The following JAM3 variants were observed in gnomAD, a reference collection of about 807,000 sequenced individuals.
The protein encoded by JAM3 is junctional adhesion molecule C.
Under a neutral mutation model 39.4 loss-of-function variants are expected in JAM3, and 31 were observed. The observed-to-expected ratio is 0.79, with a 90% CI of 0.59 to 1.06. JAM3 has a LOEUF of 1.06. Ranked by LOEUF, JAM3 falls within the 50% of genes least tolerant of loss-of-function variation. JAM3 has a pLI of 0.00. For synonymous variants in JAM3, 182 were observed against 148.7 expected (o/e 1.22, Z -1.63); for missense variants, 455 against 391.4 (o/e 1.16, Z -1.37).
chr11:134,110,451 C>T (rs1346722791), intron 1 of JAM3, among the ~76,000 whole-genome samples: 2 of 152,172 alleles, frequency 1.3e-5, no homozygotes, highest in Non-Finnish European at 2.9e-5. Context: ...TGGAATATGA[C>T]TATTCAGCAA....
chr11:134,109,066 C>G (rs527699858), intron 1 of JAM3, among the ~76,000 whole-genome samples: 1 of 152,156 alleles, frequency 6.6e-6, no homozygotes, highest in Admixed American at 6.5e-5. Flanking sequence ...AAGCAATTCT[C>G]GTGCCTTAGC....
intron 1 of JAM3, among the ~76,000 whole-genome samples, chr11:134,118,969 CTTTT>C (rs61244231): frequency 7.1e-6 from 1 of 140,414 alleles, no homozygotes; most frequent in African/African-American, 2.6e-5. Flanking sequence ...CTCAAGAAAT[CTTTT>C]TTTTTTTTTT....
At chr11:134,079,810 A>G (rs1316431941) in intron 1 of JAM3, among the ~76,000 whole-genome samples, 1 of 152,206 alleles carries the variant, frequency 6.6e-6, no homozygotes, top group Non-Finnish European at 1.5e-5. Context: ...ATTAGTTCAT[A>G]TTTGTTAATT....
rs761529485 is a variant in JAM3 at position 134,151,225 on chromosome 11, T to A, written c.*2044T>A. The A allele has an allele frequency of 3.3e-5, 5 of 152,222 alleles. No individual in the cohort carries two copies. Among genetic ancestry groups the A allele is most frequent in the Non-Finnish European group, 7.3e-5 (5 of 68,052 alleles). 9.4% of individuals were successfully genotyped at this position (152,222 alleles called of 1,614,324 possible). A position where few individuals can be genotyped will look rare whatever the true frequency, so the allele number is the denominator to read the frequency against. ...ATTGCATACATGAGACTGTGTTGAC[T>A]TTTTTTAGTTATGTGAAACACTTTG... On this transcript the variant is annotated 3_prime_UTR_variant, in exon 9 of 9. Transcript: ENST00000299106.
At chr11:134,102,318 G>A (rs1181957452) in intron 1 of JAM3, among the ~76,000 whole-genome samples, 2 of 152,092 alleles carry the variant, frequency 1.3e-5, no homozygotes, top group South Asian at 2.1e-4. Flanking sequence ...CTGTTAGAAG[G>A]AAAACTAACA....
intron 1 of JAM3, among the ~76,000 whole-genome samples, chr11:134,109,005 G>A (rs11223692): frequency 0.014 from 2,113 of 152,212 alleles, 37 homozygotes; most frequent in Non-Finnish European, 0.017. Context: ...CTCCCGGGCT[G>A]GAGTACAGTG....
At chr11:134,093,241 A>T (rs1226413748) in intron 1 of JAM3, among the ~76,000 whole-genome samples, 1 of 133,888 alleles carries the variant, frequency 7.5e-6, no homozygotes, top group African/African-American at 2.9e-5. Context: ...TCCGTCTTAC[A>T]TGTCACTTCC....
At chr11:134,124,522 T>C (rs886570923) in intron 1 of JAM3, among the ~76,000 whole-genome samples, 4 of 152,188 alleles carry the variant, frequency 2.6e-5, no homozygotes, top group South Asian at 2.1e-4. Context: ...GTATTTAGAA[T>C]CCACTTGAAT....
At chr11:134,080,941 G>A (rs146503727) in intron 1 of JAM3, among the ~76,000 whole-genome samples, 2 of 152,306 alleles carry the variant, frequency 1.3e-5, no homozygotes, top group East Asian at 3.9e-4. Context: ...CCAGGCTGGG[G>A]TGGTCTCAGA....
rs201770276 is a variant in JAM3 at position 134,148,605 on chromosome 11, C to G, written c.771C>G (p.Ala257=). 1 of 1,614,104 alleles carries G rather than the reference C, an allele frequency of 6.2e-7. No individual in the cohort carries two copies. Among genetic ancestry groups the G allele is most frequent in the South Asian group, 1.1e-5 (1 of 91,078 alleles). ...GGVLVVLAVL[A]LITLGICCAY... ...TTCTGGTTGTCCTTGCTGTACTGGC[C>G]CTGATCACGTTGGGCATCTGCTGTG... Residue 257 remains alanine, a synonymous_variant, in exon 7 of 9, where the codon GCC becomes GCG. Coordinates refer to ENST00000299106, the MANE Select transcript of JAM3 (RefSeq NM_032801.5).
At chr11:134,130,066 CAG>C (rs1411584684) in intron 1 of JAM3, among the ~76,000 whole-genome samples, 2 of 152,134 alleles carry the variant, frequency 1.3e-5, no homozygotes, top group East Asian at 3.9e-4. Context: ...TGTCATGTAA[CAG>C]AGTTTTGAAG....
chr11:134,140,566 C>T (rs1159752322), intron 2 of JAM3, 91 bp from the exon 3 acceptor site: 2 of 1,033,298 alleles, frequency 1.9e-6, no homozygotes, highest in South Asian at 2.5e-5. Flanking sequence ...CATGAAAGGC[C>T]TCTTGAATTA....
chr11:134,078,980 G>A (rs1193761326), intron 1 of JAM3, among the ~76,000 whole-genome samples: 1 of 152,082 alleles, frequency 6.6e-6, no homozygotes, highest in Non-Finnish European at 1.5e-5. Context: ...TGGAGGTTGT[G>A]GTGAGCCAAG....
intron 1 of JAM3, among the ~76,000 whole-genome samples, chr11:134,118,741 T>C (rs1216030522): frequency 2.0e-5 from 3 of 152,196 alleles, no homozygotes; most frequent in Admixed American, 2.0e-4. Context: ...CTTTCTCTTT[T>C]GTCTTTCCTC....
chr11:134,148,207 A>G, intron 6 of JAM3: 1 of 339,220 alleles, frequency 2.9e-6, no homozygotes, highest in Non-Finnish European at 5.5e-6. Context: ...CTGGCTCCTA[A>G]TCTTGTCCTC....
intron 1 of JAM3, among the ~76,000 whole-genome samples, chr11:134,108,290 G>GT (rs1200843865): frequency 6.6e-6 from 1 of 151,326 alleles, no homozygotes; most frequent in Non-Finnish European, 1.5e-5. Flanking sequence ...ATAATTTATA[G>GT]TTAAAAAAAA....
chr11:134,091,945 C>G (rs1355511711), intron 1 of JAM3, among the ~76,000 whole-genome samples: 2 of 151,410 alleles, frequency 1.3e-5, no homozygotes, highest in Non-Finnish European at 2.9e-5. Flanking sequence ...GGCAGTATTG[C>G]AACAATTCAG....
At chr11:134,121,582 T>C (rs1393994762) in intron 1 of JAM3, among the ~76,000 whole-genome samples, 1 of 152,148 alleles carries the variant, frequency 6.6e-6, no homozygotes, top group East Asian at 1.9e-4. Flanking sequence ...GACATCTCTC[T>C]ATGTCAAACT....
chr11:134,081,071 G>A (rs470590), intron 1 of JAM3, among the ~76,000 whole-genome samples: 5,890 of 152,244 alleles, frequency 0.039, 289 homozygotes, highest in East Asian at 0.25. Context: ...CTTGAGAGAG[G>A]TGATTTAGGG....
Sources: gnomAD v4.1 joint callset for allele counts (sites outside exome capture counted in the v4.1 genomes callset) on GRCh38, gnomAD v4.1.1 for gene constraint, MANE v1.5 for transcripts, NCBI Gene and HGNC (gene_info 2026-07-23, HGNC 2026-07-21) for gene names.